Variants in SLC12A3 observed in about 807,000 individuals in gnomAD.
The protein encoded by SLC12A3 is Na-Cl cotransporter.
A neutral mutation model predicts 121.0 loss-of-function variants in SLC12A3; 104 were observed. The observed-to-expected ratio is 0.86, with a 90% CI of 0.73 to 1.01. The LOEUF (loss-of-function observed/expected upper bound fraction) is 1.01, where lower values mean the gene tolerates loss of function less well. Ranked by LOEUF, SLC12A3 falls within the 50% of genes least tolerant of loss-of-function variation. The probability of loss-of-function intolerance (pLI) is 0.00; values close to 1 mark genes in which losing one functional copy is unlikely to be tolerated. For missense variants in SLC12A3, 1,328 were observed against 1,356.3 expected (o/e 0.98, Z 0.33); for synonymous variants, 536 against 533.4 (o/e 1.00, Z -0.07).
Position 56,886,311 on chromosome 16 carries a change from A to T in SLC12A3, c.1926-53A>T, listed in dbSNP as rs1055293940. 5 of 1,370,144 alleles carry T rather than the reference A, an allele frequency of 3.6e-6. No individual in the cohort carries two copies. In the South Asian group the frequency reaches 5.8e-5, roughly 16 times the overall value. The allele number at this position is 1,370,144 out of a possible 1,614,324, so 84.9% of individuals were successfully genotyped here. ...CCTGGGAGGTGCCTTTCGCACCCAGACCCCCGTGGGCTCTCTCCTGATGGC... is the reference window on the plus strand; with the variant it reads ...CCTGGGAGGTGCCTTTCGCACCCAGTCCCCCGTGGGCTCTCTCCTGATGGC... On this transcript the variant is annotated intron_variant, in intron 15 of 25. Coordinates refer to ENST00000563236, the MANE Select transcript of SLC12A3 (RefSeq NM_001126108.2).
intron 1 of SLC12A3, among the ~76,000 whole-genome samples, chr16:56,866,277 C>T (rs1373081730): frequency 2.6e-5 from 4 of 152,164 alleles, no homozygotes; most frequent in Admixed American, 6.5e-5. Context: ...TGAGCCACCA[C>T]GCCCAGCCCA....
intron 15 of SLC12A3, among the ~76,000 whole-genome samples, 171 bp downstream of exon 15, chr16:56,885,535 G>A (rs566247909): frequency 4.1e-4 from 63 of 152,296 alleles, no homozygotes; most frequent in Admixed American, 7.8e-4. Context: ...ACAAGACAGG[G>A]GTGGACATAT....
At chr16:56,903,450 A>G (rs2055566002) in intron 24 of SLC12A3, among the ~76,000 whole-genome samples, 1 of 152,046 alleles carries the variant, frequency 6.6e-6, no homozygotes, top group Non-Finnish European at 1.5e-5. Flanking sequence ...ACATTTGGCA[A>G]CCTCTGGAGA....
intron 17 of SLC12A3, among the ~76,000 whole-genome samples, chr16:56,887,722 A>G (rs1489626780): frequency 3.4e-5 from 5 of 146,002 alleles, no homozygotes; most frequent in African/African-American, 1.0e-4. Context: ...CCCATCAGTC[A>G]TCTTTCTCCC....
chr16:56,870,350 A>G (rs1470347079), intron 5 of SLC12A3, 115 bp downstream of exon 5: 17 of 1,147,130 alleles, frequency 1.5e-5, no homozygotes, highest in African/African-American at 6.1e-5. Flanking sequence ...CCCATCAGGA[A>G]CCACAGCCTG....
At position 56,880,143 on chromosome 16, in the gene SLC12A3, A is replaced by C. The variant is rs1447230772; in HGVS notation, c.1457A>C (p.Asp486Ala). 2 of 1,606,862 alleles carry C rather than the reference A, an allele frequency of 1.2e-6. No homozygotes were observed. The highest frequency in any genetic ancestry group is 3.4e-5 in the Admixed American group (2 of 58,784). Reference protein sequence around the residue: ...AAKVFQCLCEDQLYPLIGFFG... With the variant: ...AAKVFQCLCEAQLYPLIGFFG... The stretch of plus-strand genomic sequence containing the variant: ...CTGGTGCTGCAGTGCCTTTGCGAGG[A>C]CCAGCTGTACCCACTGATCGGCTTC... Residue 486 changes from aspartate to alanine, a missense_variant, in exon 12 of 26, where the codon GAC becomes GCC. Physicochemically the swap from Asp to Ala is moderately radical, Grantham distance 126. Transcript: ENST00000563236.
Position 56,867,144 on chromosome 16 carries a change from G to A in SLC12A3, c.357G>A (p.Glu119=). ...PSHEMTDGLV[E]GEAGTSSEKN... is the part of the protein sequence containing the mutation. ...ACGAGATGACTGATGGGCTGGTGGA[G>A]GGCGAGGCAGGCACCAGCAGCGAGA... Residue 119 remains glutamate (E), a synonymous_variant, in exon 2 of 26, where the codon GAG becomes GAA. Coordinates refer to ENST00000563236, the MANE Select transcript of SLC12A3 (RefSeq NM_001126108.2). 6.2e-7 allele frequency: 1 copy of A among 1,614,068 alleles called. No homozygotes were observed. Among genetic ancestry groups the A allele is most frequent in the Non-Finnish European group, 8.5e-7 (1 of 1,180,000 alleles).
intron 23 of SLC12A3, among the ~76,000 whole-genome samples, chr16:56,901,730 G>A (rs995064470): frequency 1.3e-5 from 2 of 152,198 alleles, no homozygotes; most frequent in South Asian, 4.1e-4. Flanking sequence ...AGATAAGGAA[G>A]CCCTGCCCGA....
At position 56,872,746 on chromosome 16, in the gene SLC12A3, C is replaced by T. The variant is rs757876090; in HGVS notation, c.1055C>T (p.Thr352Ile). The T allele has an allele frequency of 3.1e-6, 5 of 1,614,150 alleles. No homozygotes were observed. The South Asian group carries it at 3.3e-5, about 11-fold the overall frequency. Residue 352 changes from threonine to isoleucine, a missense_variant, in exon 8 of 26, where the codon ACA becomes ATA. By Grantham distance (89) the Thr-to-Ile change is moderately conservative. Transcript: ENST00000563236. ...TTCTCCATCTTCTTCCCCTCGGCCA[C>T]AGGCATCCTGGCAGGGGCCAACATA... ...GMFSIFFPSA[T>I]GILAGANISG...
rs1303866177 is a variant in SLC12A3 at position 56,879,648 on chromosome 16, A to G, written c.1442A>G (p.Gln481Arg). Residue 481 changes from glutamine (Q) to arginine (R), a missense_variant and splice_region_variant, in exon 11 of 26, where the codon CAG becomes CGG. By Grantham distance (43) the Gln-to-Arg change is conservative. Coordinates refer to ENST00000563236, the MANE Select transcript of SLC12A3 (RefSeq NM_001126108.2). Reference protein sequence around the residue: ...ACLVSAAKVFQCLCEDQLYPL... With the variant: ...ACLVSAAKVFRCLCEDQLYPL... ...CTTGTCTCTGCTGCCAAAGTCTTCC[A>G]GGTGAGGCCGCAGAAAGGGGTCGAG... 3.7e-6 allele frequency: 6 copies of G among 1,610,466 alleles called. No individual in the cohort carries two copies. The highest frequency in any genetic ancestry group is 5.1e-6 in the Non-Finnish European group (6 of 1,177,988).
intron 10 of SLC12A3, 114 bp from the exon 11 acceptor site, chr16:56,879,428 C>A: frequency 9.2e-7 from 1 of 1,087,372 alleles, no homozygotes; most frequent in Non-Finnish European, 1.4e-6. Flanking sequence ...GGGTTGTGGA[C>A]TCAGGTGGAG....
chr16:56,881,557 C>G (rs1183671045), intron 12 of SLC12A3, among the ~76,000 whole-genome samples: 1 of 151,804 alleles, frequency 6.6e-6, no homozygotes, highest in Non-Finnish European at 1.5e-5. Context: ...CATTGGTGCA[C>G]GTCGTGTTTT....
chr16:56,884,273 C>T (rs980369328), intron 14 of SLC12A3, 69 bp downstream of exon 14: 26 of 1,546,124 alleles, frequency 1.7e-5, no homozygotes, highest in Admixed American at 6.7e-5. Flanking sequence ...CCCTGCCCTC[C>T]GCCCCAGTTG....
intron 17 of SLC12A3, 33 bp downstream of exon 17, chr16:56,887,126 T>C (rs760470410): frequency 6.2e-7 from 1 of 1,613,510 alleles, no homozygotes; most frequent in Non-Finnish European, 8.5e-7. Flanking sequence ...CTACAGGACT[T>C]ACGGCTTGGT....
At chr16:56,865,552 G>A (rs899010469) in intron 1 of SLC12A3, 35 bp downstream of exon 1, 3 of 1,603,786 alleles carry the variant, frequency 1.9e-6, no homozygotes, top group African/African-American at 1.3e-5. Flanking sequence ...CCACTTCCCT[G>A]CTGTGTGACC....
At position 56,912,081 on chromosome 16, in the gene SLC12A3, A is replaced by G. The variant is rs149269994; in HGVS notation, c.2925-1183A>G. On this transcript the variant is annotated intron_variant, in intron 25 of 25. Transcript: ENST00000563236. Reference sequence around the variant, plus strand: ...CGCTCCAGCATCCTCCTCCCGCCCCAGTTCTCCCACCTGTGAAGGAGCGCG... The same window carrying G: ...CGCTCCAGCATCCTCCTCCCGCCCCGGTTCTCCCACCTGTGAAGGAGCGCG... Among the ~76,000 whole-genome samples, 41 of 152,344 alleles carry G rather than the reference A, an allele frequency of 2.7e-4. No individual in the cohort carries two copies. In the East Asian group the frequency reaches 7.7e-3, roughly 29 times the overall value.
At chr16:56,890,422 G>A (rs1427190785) in intron 19 of SLC12A3, 66 bp downstream of exon 19, 3 of 1,302,234 alleles carry the variant, frequency 2.3e-6, no homozygotes, top group African/African-American at 2.9e-5. Context: ...AAATGGCAGA[G>A]GGAAAAATGA....
intron 20 of SLC12A3, 80 bp from the exon 21 acceptor site, chr16:56,892,873 G>A (rs1420451236): frequency 1.8e-6 from 2 of 1,087,454 alleles, no homozygotes; most frequent in African/African-American, 3.1e-5. Flanking sequence ...CATCAGAAGG[G>A]GCGTTGGCGG....
At chr16:56,907,125 G>A (rs769064554) in intron 25 of SLC12A3, 10 of 170,298 alleles carry the variant, frequency 5.9e-5, no homozygotes, top group South Asian at 2.9e-4. Context: ...ACCAATTAGC[G>A]GAATTTTGTC....
Sources: allele counts gnomAD v4.1 joint callset (sites outside exome capture counted in the v4.1 genomes callset), GRCh38; gene constraint gnomAD v4.1.1; transcripts MANE v1.5; gene names NCBI Gene and HGNC (gene_info 2026-07-23, HGNC 2026-07-21).